Variants in KCNIP4 observed in about 807,000 individuals in gnomAD.
The protein encoded by KCNIP4 is potassium voltage-gated channel interacting protein 4.
KCNIP4 carries 12 observed loss-of-function variants against 34.0 expected under a neutral mutation model. That is an observed-to-expected ratio of 0.35 (90% confidence interval 0.23 to 0.57). KCNIP4 has a LOEUF of 0.57. Among genes scored for constraint, KCNIP4 ranks in the 20% least tolerant of loss-of-function variants. The probability of loss-of-function intolerance (pLI) is 0.83; values close to 1 mark genes in which losing one functional copy is unlikely to be tolerated. For synonymous variants in KCNIP4, 124 were observed against 102.2 expected, an observed-to-expected ratio of 1.21 and a Z score of -1.29; for missense variants, 238 against 311.7, an observed-to-expected ratio of 0.76 and a Z score of 1.78.
intron 1 of KCNIP4, among the ~76,000 whole-genome samples, chr4:21,507,322 T>C (rs1733931514): frequency 6.6e-6 from 1 of 151,508 alleles, no homozygotes; most frequent in Admixed American, 6.6e-5. Context: ...TGGAGTGTAG[T>C]GGCTCGATCT....
At chr4:21,705,706 A>G (rs563796188) in intron 1 of KCNIP4, among the ~76,000 whole-genome samples, 3 of 152,276 alleles carry the variant, frequency 2.0e-5, no homozygotes, top group Admixed American at 1.3e-4. Flanking sequence ...TGTTTGAGTA[A>G]AATTTGAAGG....
chr4:21,058,960 A>G (rs1364547852), intron 1 of KCNIP4, among the ~76,000 whole-genome samples: 1 of 152,056 alleles, frequency 6.6e-6, no homozygotes, highest in Admixed American at 6.6e-5. Flanking sequence ...GAGGTAATTG[A>G]GTCATGATAG....
chr4:21,531,193 A>G (rs191384922), intron 1 of KCNIP4, among the ~76,000 whole-genome samples: 8 of 152,272 alleles, frequency 5.3e-5, no homozygotes, highest in African/African-American at 1.9e-4. Flanking sequence ...TCCAAGTGAA[A>G]ACCAACCTGC....
chr4:21,125,754 T>A (rs1486985529), intron 1 of KCNIP4, among the ~76,000 whole-genome samples: 1 of 152,126 alleles, frequency 6.6e-6, no homozygotes, highest in Non-Finnish European at 1.5e-5. Flanking sequence ...GCCTCCAACA[T>A]AATAGTTTGT....
At chr4:21,414,873 C>T (rs545517316) in intron 1 of KCNIP4, among the ~76,000 whole-genome samples, 12 of 152,044 alleles carry the variant, frequency 7.9e-5, no homozygotes, top group African/African-American at 2.2e-4. Context: ...TATTTTGATA[C>T]GGGCATACAA....
chr4:20,948,503 G>T (rs1732434422), intron 1 of KCNIP4, among the ~76,000 whole-genome samples: 2 of 152,214 alleles, frequency 1.3e-5, no homozygotes, highest in Non-Finnish European at 2.9e-5. Flanking sequence ...ACCACATGTG[G>T]TTGGAGGGAG....
intron 1 of KCNIP4, among the ~76,000 whole-genome samples, chr4:20,931,380 G>A (rs1001710042): frequency 2.0e-5 from 3 of 151,982 alleles, no homozygotes; most frequent in Non-Finnish European, 2.9e-5. Context: ...TCCGAAAAAC[G>A]CAACATCATT....
At chr4:20,904,005 A>G (rs908496381) in intron 1 of KCNIP4, among the ~76,000 whole-genome samples, 1 of 152,096 alleles carries the variant, frequency 6.6e-6, no homozygotes, top group Non-Finnish European at 1.5e-5. Flanking sequence ...CAGTTTGCCA[A>G]AGATTTATAA....
At chr4:20,980,713 G>A (rs1735981790) in intron 1 of KCNIP4, among the ~76,000 whole-genome samples, 1 of 151,872 alleles carries the variant, frequency 6.6e-6, no homozygotes, top group African/African-American at 2.4e-5. Context: ...TACCATTGAG[G>A]TATCACTGCT....
intron 1 of KCNIP4, among the ~76,000 whole-genome samples, chr4:21,939,826 A>G (rs1278753613): frequency 6.6e-6 from 1 of 152,222 alleles, no homozygotes; most frequent in Non-Finnish European, 1.5e-5. Flanking sequence ...AAAGTTGAGC[A>G]GAATGTGACT....
intron 1 of KCNIP4, among the ~76,000 whole-genome samples, chr4:21,308,967 G>A (rs1176277905): frequency 9.9e-5 from 6 of 60,674 alleles, no homozygotes; most frequent in African/African-American, 2.1e-4. Context: ...AAAAATGAAC[G>A]TGCTTAGAGA....
intron 2 of KCNIP4, among the ~76,000 whole-genome samples, chr4:20,860,213 C>G (rs1722044025): frequency 6.6e-6 from 1 of 151,822 alleles, no homozygotes; most frequent in South Asian, 2.1e-4. Context: ...AATCTTGACT[C>G]ACTGCAAGCT....
At chr4:21,294,002 G>C (rs897568951) in intron 1 of KCNIP4, among the ~76,000 whole-genome samples, 2 of 152,200 alleles carry the variant, frequency 1.3e-5, no homozygotes, top group Non-Finnish European at 2.9e-5. Flanking sequence ...CTAGTTATAT[G>C]ATCTTAGGTG....
At chr4:21,220,018 G>A (rs926484586) in intron 1 of KCNIP4, among the ~76,000 whole-genome samples, 1 of 152,152 alleles carries the variant, frequency 6.6e-6, no homozygotes. Context: ...AAAAGGAGAT[G>A]TTATGAAAAA....
chr4:21,036,635 A>T (rs1284398926), intron 1 of KCNIP4, among the ~76,000 whole-genome samples: 1 of 152,212 alleles, frequency 6.6e-6, no homozygotes, highest in Non-Finnish European at 1.5e-5. Flanking sequence ...CTGAGGCAGT[A>T]CAATTGCTTG....
chr4:20,842,926 TTG>T (rs1719928604), intron 3 of KCNIP4, among the ~76,000 whole-genome samples: 1 of 151,574 alleles, frequency 6.6e-6, no homozygotes. Context: ...TTTTTTTTTT[TTG>T]AGACACGATC....
chr4:21,071,219 G>T (rs965612334), intron 1 of KCNIP4, among the ~76,000 whole-genome samples: 4 of 152,088 alleles, frequency 2.6e-5, no homozygotes, highest in African/African-American at 9.7e-5. Flanking sequence ...AAGTTTCATA[G>T]CATTACGTTT....
At chr4:21,508,032 A>G (rs1374953829) in intron 1 of KCNIP4, among the ~76,000 whole-genome samples, 1 of 152,204 alleles carries the variant, frequency 6.6e-6, no homozygotes, top group Non-Finnish European at 1.5e-5. Context: ...CAGTTTATTT[A>G]GCCAAATTTC....
intron 1 of KCNIP4, among the ~76,000 whole-genome samples, chr4:21,702,279 G>GT (rs1712921552): frequency 6.6e-6 from 1 of 152,016 alleles, no homozygotes; most frequent in African/African-American, 2.4e-5. Flanking sequence ...GAGAGAGGTG[G>GT]TATCTTCCTC....
Sources: allele counts gnomAD v4.1 joint callset (sites outside exome capture counted in the v4.1 genomes callset), GRCh38; gene constraint gnomAD v4.1.1; transcripts MANE v1.5; gene names NCBI Gene and HGNC (gene_info 2026-07-23, HGNC 2026-07-21).